MIS18A: variants seen among roughly 807,000 people sequenced by gnomAD.
MIS18A encodes protein Mis18-alpha.
In MIS18A, 14 loss-of-function variants were observed where a neutral mutation model predicts 25.0. The observed-to-expected ratio is 0.56, with a 90% CI of 0.37 to 0.88. MIS18A has a LOEUF of 0.88. Among genes scored for constraint, MIS18A ranks in the 40% least tolerant of loss-of-function variants. MIS18A has a pLI of 0.00. For missense variants in MIS18A, 292 were observed against 290.8 expected, an observed-to-expected ratio of 1.00 and a Z score of -0.03; for synonymous variants, 134 against 118.6, an observed-to-expected ratio of 1.13 and a Z score of -0.84.
chr21:32,252,308 AG>A, the MIS18A span, among the ~76,000 whole-genome samples: 2 of 147,810 alleles, frequency 1.4e-5, no homozygotes, highest in African/African-American at 2.5e-5. Context: ...AGGAAAAGAA[AG>A]AGTAAGGAAA....
At chr21:32,253,161 C>A in the MIS18A span, among the ~76,000 whole-genome samples, 3 of 151,942 alleles carry the variant, frequency 2.0e-5, no homozygotes, top group East Asian at 3.9e-4. Context: ...GGTGCCCCCC[C>A]GCACGACCCC....
intron 3 of MIS18A, 132 bp from the exon 4 acceptor site, chr21:32,269,935 C>A: frequency 1.6e-6 from 1 of 625,772 alleles, no homozygotes; most frequent in Non-Finnish European, 2.8e-6. Context: ...AACACAAGAC[C>A]CCGGGCAATA....
intron 2 of MIS18A, among the ~76,000 whole-genome samples, chr21:32,273,366 CA>C (rs1395273884): frequency 6.6e-6 from 1 of 151,806 alleles, no homozygotes; most frequent in Non-Finnish European, 1.5e-5. Context: ...GGGGTAGGGC[CA>C]AAACTTCCAA....
In MIS18A at chr21:32,268,872, C is replaced by A. The variant is rs774141047; in HGVS notation, c.*165G>T. The A allele has an allele frequency of 2.5e-5, 12 of 487,808 alleles. No individual in the cohort carries two copies. Among genetic ancestry groups the A allele is most frequent in the Non-Finnish European group, 4.1e-5 (11 of 269,872 alleles). 30.2% of individuals were successfully genotyped at this position (487,808 alleles called of 1,614,324 possible). Reference sequence around the variant, plus strand: ...GTGGCATGACCAAGGCTCACTGCAGCCTCAACCTCCCAAGCTCATCTGATC... The same window carrying A: ...GTGGCATGACCAAGGCTCACTGCAGACTCAACCTCCCAAGCTCATCTGATC... On this transcript the variant is annotated 3_prime_UTR_variant, in exon 5 of 5. Coordinates refer to ENST00000290130, the MANE Select transcript of MIS18A (RefSeq NM_018944.3).
chr21:32,246,543 G>GC, the MIS18A span, among the ~76,000 whole-genome samples: 2 of 152,154 alleles, frequency 1.3e-5, no homozygotes, highest in African/African-American at 4.8e-5. Flanking sequence ...TAAAGGAAAA[G>GC]CCCCAAGATT....
intron 1 of MIS18A, 83 bp downstream of exon 1, chr21:32,278,598 C>G (rs2031863358): frequency 7.3e-7 from 1 of 1,361,646 alleles, no homozygotes; most frequent in African/African-American, 1.5e-5. Context: ...AAGGAGCCCC[C>G]GCCTCCTCCC....
At chr21:32,192,769 G>C in the MIS18A span, among the ~76,000 whole-genome samples, 5 of 152,172 alleles carry the variant, frequency 3.3e-5, no homozygotes, top group African/African-American at 1.2e-4. Flanking sequence ...ACAACCAAGC[G>C]TGGCTGAATA....
At chr21:32,176,010 C>T in the MIS18A span, among the ~76,000 whole-genome samples, 1 of 152,158 alleles carries the variant, frequency 6.6e-6, no homozygotes, top group East Asian at 1.9e-4. Context: ...TCCGCCTCCA[C>T]ATTTCACCCC....
chr21:32,163,868 G>T, the MIS18A span, among the ~76,000 whole-genome samples: 5 of 152,144 alleles, frequency 3.3e-5, no homozygotes, highest in African/African-American at 1.2e-4. Context: ...GATACCTGAG[G>T]TTAGGTAATA....
At chr21:32,240,361 G>A in the MIS18A span, among the ~76,000 whole-genome samples, 1 of 152,220 alleles carries the variant, frequency 6.6e-6, no homozygotes, top group Non-Finnish European at 1.5e-5. Flanking sequence ...TCCGCCACAT[G>A]AGTACCCAGC....
the MIS18A span, among the ~76,000 whole-genome samples, chr21:32,173,121 A>G: frequency 6.6e-6 from 1 of 152,200 alleles, no homozygotes; most frequent in Non-Finnish European, 1.5e-5. Context: ...CATCAAAATT[A>G]AAGTCTTTGG....
the MIS18A span, among the ~76,000 whole-genome samples, chr21:32,162,683 C>T: frequency 2.6e-5 from 4 of 152,146 alleles, no homozygotes; most frequent in African/African-American, 7.2e-5. Flanking sequence ...CTACCATAAC[C>T]TAGTAGAGTG....
the MIS18A span, among the ~76,000 whole-genome samples, chr21:32,162,385 CTT>C: frequency 6.6e-6 from 1 of 152,170 alleles, no homozygotes; most frequent in Non-Finnish European, 1.5e-5. Flanking sequence ...TGTAAGTGCT[CTT>C]GTCATGCTTA....
the MIS18A span, among the ~76,000 whole-genome samples, chr21:32,185,092 C>G: frequency 6.6e-6 from 1 of 152,158 alleles, no homozygotes; most frequent in Non-Finnish European, 1.5e-5. Flanking sequence ...CCCAGCCCCT[C>G]TCTGTCAATC....
At chr21:32,208,482 TGTAA>T in the MIS18A span, among the ~76,000 whole-genome samples, 2 of 152,142 alleles carry the variant, frequency 1.3e-5, no homozygotes. Context: ...CCACCATGAT[TGTAA>T]GTTTCCTGAG....
At chr21:32,213,795 C>A in the MIS18A span, among the ~76,000 whole-genome samples, 9 of 152,140 alleles carry the variant, frequency 5.9e-5, no homozygotes, top group Non-Finnish European at 1.3e-4. Context: ...GGACAAGAGG[C>A]TCCTTGCATT....
chr21:32,195,058 T>G, the MIS18A span, among the ~76,000 whole-genome samples: 2 of 152,044 alleles, frequency 1.3e-5, no homozygotes, highest in Non-Finnish European at 2.9e-5. Context: ...TTAAATAAAA[T>G]AAAATAAAAT....
the MIS18A span, among the ~76,000 whole-genome samples, chr21:32,236,420 T>C: frequency 7.3e-3 from 1,103 of 152,038 alleles, 29 homozygotes; most frequent in East Asian, 0.08. Flanking sequence ...GGGCAGGAAA[T>C]GTGTATGTGA....
At chr21:32,205,626 T>C in the MIS18A span, among the ~76,000 whole-genome samples, 3 of 152,120 alleles carry the variant, frequency 2.0e-5, no homozygotes, top group Non-Finnish European at 2.9e-5. Flanking sequence ...TTCTTGGCCA[T>C]CTAAAATAAG....
Sources: gnomAD v4.1 joint callset for allele counts (sites outside exome capture counted in the v4.1 genomes callset) on GRCh38, gnomAD v4.1.1 for gene constraint, MANE v1.5 for transcripts, NCBI Gene and HGNC (gene_info 2026-07-23, HGNC 2026-07-21) for gene names.